Variants in CUL2 observed in about 807,000 individuals in gnomAD.
CUL2 encodes the protein cullin 2, also known as cullin-2.
In CUL2, 22 loss-of-function variants were observed where a neutral mutation model predicts 110.2. The ratio of observed to expected loss-of-function variants is 0.20; its 90% CI spans 0.14 to 0.28. The LOEUF is 0.28. Among genes scored for constraint, CUL2 ranks in the 10% least tolerant of loss-of-function variants. CUL2 has a pLI of 1.00. For synonymous variants in CUL2, 279 were observed against 293.2 expected (o/e 0.95, Z 0.49); for missense variants, 631 against 905.5 (o/e 0.70, Z 3.89).
chr10:35,072,403 C>G (rs567701077), intron 1 of CUL2, among the ~76,000 whole-genome samples: 9 of 151,192 alleles, frequency 6.0e-5, no homozygotes, highest in African/African-American at 2.2e-4. Context: ...GAGTCTCACT[C>G]TGTTGCCCAG....
chr10:35,105,379 T>C (rs2087440724), intron 1 of CUL2, among the ~76,000 whole-genome samples: 1 of 149,858 alleles, frequency 6.7e-6, no homozygotes, highest in East Asian at 2.0e-4. Flanking sequence ...TGAGCCGAGA[T>C]GGCGCCACTG....
At chr10:35,052,457 C>T (rs1046962310) in intron 5 of CUL2, among the ~76,000 whole-genome samples, 1 of 152,132 alleles carries the variant, frequency 6.6e-6, no homozygotes, top group African/African-American at 2.4e-5. Context: ...AAGAGATACA[C>T]ATAAATATAA....
chr10:35,107,814 G>A (rs1464103240), intron 1 of CUL2, among the ~76,000 whole-genome samples: 1 of 147,052 alleles, frequency 6.8e-6, no homozygotes, highest in Non-Finnish European at 1.5e-5. Flanking sequence ...CCTGGGAGGA[G>A]GAGCTTGCAG....
chr10:35,038,243 A>T (rs1277642691), intron 9 of CUL2, among the ~76,000 whole-genome samples: 1 of 147,268 alleles, frequency 6.8e-6, no homozygotes, highest in East Asian at 2.1e-4. Flanking sequence ...AAAATCAGAG[A>T]GGCCGGGCGC....
In CUL2 at chr10:35,044,928, C is replaced by T; in HGVS notation, c.507-60G>A. On this transcript the variant is annotated intron_variant, in intron 6 of 20. Coordinates refer to ENST00000374749, the MANE Select transcript of CUL2 (RefSeq NM_003591.4). ...ATACAAATTATCTATGGAAATATACCCAAAATATGCCAAAATATGGCTCCT... is the reference window on the plus strand; with the variant it reads ...ATACAAATTATCTATGGAAATATACTCAAAATATGCCAAAATATGGCTCCT... 4.8e-6 allele frequency: 5 copies of T among 1,048,976 alleles called. No homozygotes were observed. In the Admixed American group the frequency reaches 7.5e-5, roughly 16 times the overall value. 65.0% of individuals were successfully genotyped at this position (1,048,976 alleles called of 1,614,324 possible).
At chr10:35,064,531 GATTT>G (rs1368915703) in intron 2 of CUL2, among the ~76,000 whole-genome samples, 1 of 152,090 alleles carries the variant, frequency 6.6e-6, no homozygotes, top group Non-Finnish European at 1.5e-5. Context: ...AGCACTTGAT[GATTT>G]ATTAAATCCT....
At chr10:35,018,592 C>T (rs927825570) in intron 17 of CUL2, among the ~76,000 whole-genome samples, 2 of 151,614 alleles carry the variant, frequency 1.3e-5, no homozygotes, top group African/African-American at 4.8e-5. Context: ...GGAGAAACCC[C>T]GTCTCTACTA....
At chr10:35,120,088 T>C (rs2087660613) in intron 1 of CUL2, 1 of 152,214 alleles carries the variant, frequency 6.6e-6, no homozygotes, top group African/African-American at 2.4e-5. Flanking sequence ...GCATGTATTA[T>C]CAAGCTATGG....
chr10:35,021,649 T>C (rs1318208356), intron 17 of CUL2, among the ~76,000 whole-genome samples: 2 of 151,324 alleles, frequency 1.3e-5, no homozygotes, highest in Non-Finnish European at 2.9e-5. Flanking sequence ...TTTATTTATT[T>C]TCTTTTTGGG....
chr10:35,032,573 T>C lies in CUL2; in HGVS notation c.1111-79A>G, dbSNP rs2085505365. 3.6e-6 allele frequency: 4 copies of C among 1,120,314 alleles called. No individual in the cohort carries two copies. The East Asian group carries it at 1.1e-4, about 30-fold the overall frequency. The allele number at this position is 1,120,314 out of a possible 1,614,324, so 69.4% of individuals were successfully genotyped here. A position where few individuals can be genotyped will look rare whatever the true frequency, so the allele number is the denominator to read the frequency against. Reference sequence around the variant, plus strand: ...CTAGTTCAATATAAGCCATAATCTGTACATCCAAAAATTACCCCGCCACAT... The same window carrying C: ...CTAGTTCAATATAAGCCATAATCTGCACATCCAAAAATTACCCCGCCACAT... On this transcript the variant is annotated intron_variant, in intron 11 of 20. Transcript: ENST00000374749.
upstream of CUL2, among the ~76,000 whole-genome samples, chr10:35,093,889 T>C (rs72789690): frequency 0.29 from 44,378 of 151,870 alleles, 7,015 homozygotes; most frequent in South Asian, 0.35. Flanking sequence ...TTTCCTCTGA[T>C]CAAATTTTTT....
In CUL2 at chr10:35,016,234, T is replaced by C. The variant is rs1241668606; in HGVS notation, c.1845A>G (p.Lys615=). Reference sequence around the variant, plus strand: ...TAATCATTTTCACATCAAGTAATGATTTGATTGTTTTTGTCAGTTCCTTTT... The same window carrying C: ...TAATCATTTTCACATCAAGTAATGACTTGATTGTTTTTGTCAGTTCCTTTT... ...MNEKELTKTI[K]SLLDVKMINH... Residue 615 remains lysine (K), a synonymous_variant, in exon 18 of 21, where the codon AAA becomes AAG. Transcript: ENST00000374749. 6 of 1,614,052 alleles carry C rather than the reference T, an allele frequency of 3.7e-6. No individual in the cohort carries two copies. The highest frequency in any genetic ancestry group is 5.1e-6 in the Non-Finnish European group (6 of 1,179,940).
chr10:35,112,761 G>C (rs1284001707), intron 1 of CUL2, among the ~76,000 whole-genome samples: 2 of 152,192 alleles, frequency 1.3e-5, no homozygotes, highest in East Asian at 1.9e-4. Context: ...GCATGAGGCA[G>C]AATCTTCAAA....
intron 2 of CUL2, among the ~76,000 whole-genome samples, chr10:35,069,305 A>C (rs2086620076): frequency 6.6e-6 from 1 of 152,116 alleles, no homozygotes; most frequent in South Asian, 2.1e-4. Flanking sequence ...TTGGGAGGCC[A>C]AGGTGGGAGA....
chr10:35,062,227 A>G (rs11010082), intron 3 of CUL2, among the ~76,000 whole-genome samples: 56,124 of 151,970 alleles, frequency 0.37, 10,493 homozygotes, highest in African/African-American at 0.43. Context: ...CTCTATGTAC[A>G]GCATACTAAT....
At chr10:35,049,602 G>C in intron 6 of CUL2, 81 bp downstream of exon 6, 1 of 1,101,606 alleles carries the variant, frequency 9.1e-7, no homozygotes, top group South Asian at 1.5e-5. Flanking sequence ...CTAGTCACTG[G>C]CTCTGCAATT....
At chr10:35,092,193 G>A (rs551058451), upstream of CUL2, among the ~76,000 whole-genome samples, 2 of 152,080 alleles carry the variant, frequency 1.3e-5, no homozygotes, top group East Asian at 1.9e-4. Context: ...GAGCTCAAGC[G>A]ATCTGCCCAC....
At chr10:35,074,468 C>T in intron 1 of CUL2, 1 of 560,008 alleles carries the variant, frequency 1.8e-6, no homozygotes, top group Admixed American at 3.1e-5. Flanking sequence ...CCCATTCCAC[C>T]TAACTCCCAC....
Position 35,062,793 on chromosome 10 carries a change from C to T in CUL2, c.222+167G>A, listed in dbSNP as rs141607566. Among the ~76,000 whole-genome samples the T allele has an allele frequency of 8.0e-4, 122 of 151,924 alleles. 1 individual carries two copies. The East Asian group carries it at 0.018, about 22-fold the overall frequency. On this transcript the variant is annotated intron_variant, in intron 3 of 20. Coordinates refer to ENST00000374749, the MANE Select transcript of CUL2 (RefSeq NM_003591.4). ...TCGGGGCTGCAGTGAGCCATGATCG[C>T]GCCACTGCACCCTAGCCTGGGCAAC...
Sources: gnomAD v4.1 joint callset for allele counts (sites outside exome capture counted in the v4.1 genomes callset) on GRCh38, gnomAD v4.1.1 for gene constraint, MANE v1.5 for transcripts, NCBI Gene and HGNC (gene_info 2026-07-23, HGNC 2026-07-21) for gene names.